The following PTPRN2 variants were observed in gnomAD, a reference collection of about 807,000 sequenced individuals.
The protein encoded by PTPRN2 is protein tyrosine phosphatase receptor type N2, also known as receptor-type tyrosine-protein phosphatase N2.
A neutral mutation model predicts 118.8 loss-of-function variants in PTPRN2; 74 were observed. The ratio of observed to expected loss-of-function variants is 0.62; its 90% CI spans 0.52 to 0.76. The LOEUF (loss-of-function observed/expected upper bound fraction) is 0.76. PTPRN2 is among the 30% of genes least tolerant of loss of function. PTPRN2 has a pLI of 0.00. For synonymous variants in PTPRN2, 641 were observed against 608.0 expected (o/e 1.05, Z -0.80); for missense variants, 1,481 against 1,394.4 (o/e 1.06, Z -0.99).
intron 12 of PTPRN2, among the ~76,000 whole-genome samples, chr7:157,824,850 T>C (rs1807069164): frequency 1.3e-5 from 2 of 152,296 alleles, no homozygotes; most frequent in South Asian, 4.1e-4. Flanking sequence ...CCGCCTCGCC[T>C]TGGCTGGAGC....
At chr7:158,048,132 TACACAC>T (rs111759966) in intron 11 of PTPRN2, among the ~76,000 whole-genome samples, 4 of 149,988 alleles carry the variant, frequency 2.7e-5, no homozygotes, top group African/African-American at 7.3e-5. Flanking sequence ...CACATATGTA[TACACAC>T]ACACACACAC....
chr7:158,145,585 C>T (rs998421092), intron 6 of PTPRN2, among the ~76,000 whole-genome samples: 3 of 152,196 alleles, frequency 2.0e-5, no homozygotes, highest in Admixed American at 6.5e-5. Flanking sequence ...TCAGGCACGG[C>T]GGGAAAGCCA....
intron 11 of PTPRN2, among the ~76,000 whole-genome samples, chr7:157,949,598 C>A (rs1289614311): frequency 6.6e-6 from 1 of 152,200 alleles, no homozygotes; most frequent in Non-Finnish European, 1.5e-5. Context: ...GGACAGCCTG[C>A]CCAGGCCATC....
At position 157,671,293 on chromosome 7, in the gene PTPRN2, C is replaced by T. The variant is rs935848863; in HGVS notation, c.2001+11432G>A. On this transcript the variant is annotated intron_variant, in intron 13 of 22. Coordinates refer to ENST00000389418, the MANE Select transcript of PTPRN2 (RefSeq NM_002847.5). The surrounding 1 kb of genome is among the most constrained non-coding windows in gnomAD (Gnocchi z 4.1). ...TCTGGTGTGGGCAACAAGGCCCGCT[C>T]TGCACCCAGGCCTGCCTCCATCCAA... 2.6e-5 allele frequency among the ~76,000 whole-genome samples: 4 copies of T among 152,122 alleles called. No homozygotes were observed. The highest frequency in any genetic ancestry group is 4.8e-5 in the African/African-American group (2 of 41,442).
intron 6 of PTPRN2, among the ~76,000 whole-genome samples, chr7:158,161,620 T>A (rs974859664): frequency 6.6e-6 from 1 of 152,122 alleles, no homozygotes; most frequent in Non-Finnish European, 1.5e-5. Context: ...TGAAAAACCA[T>A]AAAACTCCTT....
At chr7:158,290,880 G>A (rs1003070733) in intron 3 of PTPRN2, among the ~76,000 whole-genome samples, 1 of 152,220 alleles carries the variant, frequency 6.6e-6, no homozygotes, top group Non-Finnish European at 1.5e-5. Flanking sequence ...GCAATGGAGA[G>A]TCCTCTCCTG....
intron 19 of PTPRN2, among the ~76,000 whole-genome samples, chr7:157,573,927 G>A (rs1215841664): frequency 6.6e-6 from 1 of 152,214 alleles, no homozygotes; most frequent in East Asian, 1.9e-4. Context: ...GTGCAGTGTA[G>A]ATACAGGGTG....
intron 21 of PTPRN2, among the ~76,000 whole-genome samples, chr7:157,554,970 G>A (rs890455043): frequency 6.6e-6 from 1 of 152,110 alleles, no homozygotes; most frequent in African/African-American, 2.4e-5. Flanking sequence ...CCAGTGTGGC[G>A]GGCGCCCCAG....
chr7:157,547,840 G>A (rs772026167), intron 22 of PTPRN2, among the ~76,000 whole-genome samples: 12 of 151,918 alleles, frequency 7.9e-5, no homozygotes, highest in Non-Finnish European at 1.6e-4. Flanking sequence ...GGCCGCTGGC[G>A]CTCTAGAAGA....
At chr7:158,194,252 A>T (rs1036896374) in intron 4 of PTPRN2, among the ~76,000 whole-genome samples, 13 of 152,252 alleles carry the variant, frequency 8.5e-5, no homozygotes, top group South Asian at 2.1e-4. Flanking sequence ...AAGATTTCGT[A>T]GACATGGAGT....
At chr7:158,273,166 C>T (rs1199032658) in intron 3 of PTPRN2, among the ~76,000 whole-genome samples, 4 of 152,186 alleles carry the variant, frequency 2.6e-5, no homozygotes, top group African/African-American at 4.8e-5. Flanking sequence ...CGGGAGTGAG[C>T]TCGCAGGGGA....
Position 157,874,695 on chromosome 7 carries a change from CCAAG to C in PTPRN2, c.1788+23974_1788+23977del, listed in dbSNP as rs1795607695. On this transcript the variant is annotated intron_variant, in intron 12 of 22. Transcript: ENST00000389418. The surrounding 1 kb of genome is among the most constrained non-coding windows in gnomAD (Gnocchi z 5.8). ...GTTTGCTTGCAGGTAGCAAAGTAAC[CCAAG>C]CAGACACACACTCATGCACACACAC... Among the ~76,000 whole-genome samples, 1 of 152,052 alleles carries C rather than the reference CCAAG, an allele frequency of 6.6e-6. No homozygotes were observed. The highest frequency in any genetic ancestry group is 1.5e-5 in the Non-Finnish European group (1 of 68,024).
At chr7:158,160,095 C>T (rs1413291654) in intron 6 of PTPRN2, among the ~76,000 whole-genome samples, 1 of 152,162 alleles carries the variant, frequency 6.6e-6, no homozygotes, top group African/African-American at 2.4e-5. Flanking sequence ...GGAAATTAAG[C>T]ATAACTTAAG....
At position 158,526,634 on chromosome 7, in the gene PTPRN2, A is replaced by T. The variant is rs1028093629; in HGVS notation, c.113-36849T>A. On this transcript the variant is annotated intron_variant, in intron 1 of 22. Coordinates refer to ENST00000389418, the MANE Select transcript of PTPRN2 (RefSeq NM_002847.5). This position sits in a 1 kb window ranked among gnomAD's most constrained non-coding sequence, Gnocchi z 5.2. ...CCTCAGAATGGGACTGTATTTGGAG[A>T]TGGGTCTTGAAAGAGGTGATTTCAG... 6.6e-6 allele frequency among the ~76,000 whole-genome samples: 1 copy of T among 152,052 alleles called. No homozygotes were observed. Among genetic ancestry groups the T allele is most frequent in the Non-Finnish European group, 1.5e-5 (1 of 68,016 alleles).
chr7:158,110,109 G>C (rs566173710), intron 10 of PTPRN2, among the ~76,000 whole-genome samples: 10 of 152,300 alleles, frequency 6.6e-5, no homozygotes, highest in African/African-American at 2.4e-4. Flanking sequence ...CACACAGCCC[G>C]GGCCGGCCTC....
Position 157,801,679 on chromosome 7 carries a change from T to C in PTPRN2, c.1788+96994A>G, listed in dbSNP as rs188765275. On this transcript the variant is annotated intron_variant, in intron 12 of 22. Transcript: ENST00000389418. This position sits in a 1 kb window ranked among gnomAD's most constrained non-coding sequence, Gnocchi z 4.2. Reference sequence around the variant, plus strand: ...AGGGAAAAATTTGATGGGCACGCTATGATTTATTGCCAAATGATATTTAAG... The same window carrying C: ...AGGGAAAAATTTGATGGGCACGCTACGATTTATTGCCAAATGATATTTAAG... Among the ~76,000 whole-genome samples, 15 of 152,324 alleles carry C rather than the reference T, an allele frequency of 9.8e-5. No individual in the cohort carries two copies. The highest frequency in any genetic ancestry group is 9.8e-4 in the Admixed American group (15 of 15,304).
chr7:157,657,483 C>A (rs1433956316), intron 13 of PTPRN2, among the ~76,000 whole-genome samples: 1 of 31,396 alleles, frequency 3.2e-5, no homozygotes, highest in African/African-American at 8.0e-5. Context: ...CCACACACAC[C>A]ACACACATCA....
Position 157,689,001 on chromosome 7 carries a change from A to C in PTPRN2, c.1789-6064T>G, listed in dbSNP as rs1585241788. On this transcript the variant is annotated intron_variant, in intron 12 of 22. Coordinates refer to ENST00000389418, the MANE Select transcript of PTPRN2 (RefSeq NM_002847.5). ...GGTGCTGCGGCCCAGCCTCCTGGCC[A>C]CAGAGCGCGCCGGCCGCGAGGGAGG... 3.3e-5 allele frequency among the ~76,000 whole-genome samples: 5 copies of C among 152,192 alleles called. No homozygotes were observed. The East Asian group carries it at 9.6e-4, about 29-fold the overall frequency.
intron 22 of PTPRN2, 51 bp from the exon 23 acceptor site, chr7:157,540,836 C>CACTGTGGCAGGAG: frequency 6.9e-7 from 1 of 1,449,050 alleles, no homozygotes; most frequent in Non-Finnish European, 9.5e-7. Context: ...GTCCCCCCGA[C>CACTGTGGCAGGAG]TCCTGCCACA....
Sources: allele counts gnomAD v4.1 joint callset (sites outside exome capture counted in the v4.1 genomes callset), GRCh38; gene constraint gnomAD v4.1.1; non-coding constraint Gnocchi (gnomAD v3.1); transcripts MANE v1.5; gene names NCBI Gene and HGNC (gene_info 2026-07-23, HGNC 2026-07-21).